Variants in DISP2 observed in about 807,000 individuals in gnomAD.
DISP2 encodes the protein dispatched RND transporter family member 2.
Under a neutral mutation model 95.5 loss-of-function variants are expected in DISP2, and 59 were observed. The ratio of observed to expected loss-of-function variants is 0.62; its 90% CI spans 0.50 to 0.77. The LOEUF is 0.77. Ranked by LOEUF, DISP2 falls within the 30% of genes least tolerant of loss-of-function variation. DISP2 has a pLI of 0.00. For missense variants in DISP2, 1,752 were observed against 1,854.6 expected, an observed-to-expected ratio of 0.94 and a Z score of 1.02; for synonymous variants, 827 against 815.0, an observed-to-expected ratio of 1.01 and a Z score of -0.25.
intron 1 of DISP2, among the ~76,000 whole-genome samples, chr15:40,360,314 C>G (rs1889387332): frequency 6.6e-6 from 1 of 152,202 alleles, no homozygotes; most frequent in Non-Finnish European, 1.5e-5. Flanking sequence ...ACTGAGCCTC[C>G]TGAGATCAGA....
At position 40,370,519 on chromosome 15, in the gene DISP2, G is replaced by C; in HGVS notation, c.*201G>C. ...TCCTCACATCTGGAGGATTCCAGCA[G>C]GAGGGGTTTTGGAGGGGACCTGCTT... On this transcript the variant is annotated 3_prime_UTR_variant, in exon 8 of 8. Transcript: ENST00000267889. 1 of 1,070,178 alleles carries C rather than the reference G, an allele frequency of 9.3e-7. No individual in the cohort carries two copies. Among genetic ancestry groups the C allele is most frequent in the Admixed American group, 2.0e-5 (1 of 49,438 alleles). 66.3% of individuals were successfully genotyped at this position (1,070,178 alleles called of 1,614,324 possible).
At position 40,369,609 on chromosome 15, in the gene DISP2, A is replaced by T. The variant is rs573660006; in HGVS notation, c.3497A>T (p.Gln1166Leu). 1 of 1,611,546 alleles carries T rather than the reference A, an allele frequency of 6.2e-7. No homozygotes were observed. Among genetic ancestry groups the T allele is most frequent in the Admixed American group, 1.7e-5 (1 of 60,008 alleles). ...PGSCSEQYEL[Q>L]PLARRRSPSF... Reference sequence around the variant, plus strand: ...TCCTGCTCAGAGCAATATGAGCTACAGCCCCTGGCACGGCGTCGGAGCCCC... The same window carrying T: ...TCCTGCTCAGAGCAATATGAGCTACTGCCCCTGGCACGGCGTCGGAGCCCC... The change falls in exon 8 of 8, where the codon CAG (glutamine) becomes CTG (leucine). Residue 1166 changes from glutamine to leucine, a missense_variant. This residue lies in a region of DISP2 where 347 missense variants were observed against 344.2 expected (regional missense o/e 1.01). Coordinates refer to ENST00000267889, the MANE Select transcript of DISP2 (RefSeq NM_033510.3).
At position 40,364,535 on chromosome 15, in the gene DISP2, G is replaced by A. The variant is rs1433815010; in HGVS notation, c.594G>A (p.Lys198=). 9 of 1,613,622 alleles carry A rather than the reference G, an allele frequency of 5.6e-6. No homozygotes were observed. The highest frequency in any genetic ancestry group is 7.6e-6 in the Non-Finnish European group (9 of 1,179,970). Residue 198 remains lysine (K), a synonymous_variant, in exon 4 of 8, where the codon AAG becomes AAA. Coordinates refer to ENST00000267889, the MANE Select transcript of DISP2 (RefSeq NM_033510.3). The stretch of plus-strand genomic sequence containing the variant: ...GGGCCCGGCTGCCCGACTTCTCCAA[G>A]CCTTTGCTGGTGAGGAACCAAGGGG... ...LLGARLPDFS[K]PLLGFEPRDT...
Position 40,367,464 on chromosome 15 carries a change from T to C in DISP2, c.1352T>C (p.Ile451Thr). 6.2e-7 allele frequency: 1 copy of C among 1,613,656 alleles called. No individual in the cohort carries two copies. The highest frequency in any genetic ancestry group is 1.1e-5 in the South Asian group (1 of 91,056). Residue 451 changes from isoleucine to threonine, a missense_variant, in exon 8 of 8, where the codon ATC becomes ACC. Physicochemically the swap from Ile to Thr is moderately conservative, Grantham distance 89. This residue lies in a region of DISP2 where 732 missense variants were observed against 714.6 expected (regional missense o/e 1.02). Coordinates refer to ENST00000267889, the MANE Select transcript of DISP2 (RefSeq NM_033510.3). ...CCAAAGGGTGCTTCCCTCATGGACA[T>C]CTACCTGGACCGGCTGGCCACCCCC... is the stretch of plus-strand genomic sequence containing the variant. ...PTPKGASLMD[I>T]YLDRLATPWG...
rs1275112786 is a variant in DISP2 at position 40,374,929 on chromosome 15, G to A, written c.*4611G>A. On this transcript the variant is annotated 3_prime_UTR_variant, in exon 8 of 8. Coordinates refer to ENST00000267889, the MANE Select transcript of DISP2 (RefSeq NM_033510.3). ...CGGCCCTGATCTTTTCTTTGACGGT[G>A]GCAGTATCTCATTTTTTGATAATAC... The A allele has an allele frequency of 6.6e-6, 1 of 152,102 alleles. No homozygotes were observed. Among genetic ancestry groups the A allele is most frequent in the African/African-American group, 2.4e-5 (1 of 41,404 alleles). The allele number at this position is 152,102 out of a possible 1,614,324, so 9.4% of individuals were successfully genotyped here. A position where few individuals can be genotyped will look rare whatever the true frequency, so the allele number is the denominator to read the frequency against.
rs1228224545 is a variant in DISP2, at chr15:40,377,333, T to G, written c.*7015T>G. ...AGTCTCAAAAAAAAAAAAAAAAATTTTTGACTGAAAGTACAGATACAACTT... is the reference window on the plus strand; with the variant it reads ...AGTCTCAAAAAAAAAAAAAAAAATTGTTGACTGAAAGTACAGATACAACTT... On this transcript the variant is annotated 3_prime_UTR_variant, in exon 8 of 8. Coordinates refer to ENST00000267889, the MANE Select transcript of DISP2 (RefSeq NM_033510.3). The G allele has an allele frequency of 1.3e-5, 2 of 151,626 alleles. No individual in the cohort carries two copies. The highest frequency in any genetic ancestry group is 2.9e-5 in the Non-Finnish European group (2 of 67,912). The allele number at this position is 151,626 out of a possible 1,614,324, so 9.4% of individuals were successfully genotyped here. A position where few individuals can be genotyped will look rare whatever the true frequency, so the allele number is the denominator to read the frequency against.
rs1171887566 is a variant in DISP2 at position 40,370,567 on chromosome 15, G to C, written c.*249G>C. On this transcript the variant is annotated 3_prime_UTR_variant, in exon 8 of 8. Transcript: ENST00000267889. ...CTTGCGACCTGCTGAGGGCTTGTCT[G>C]CTCCCACAGCACCATCTAAGACCCC... 1.4e-5 allele frequency: 10 copies of C among 710,502 alleles called. No individual in the cohort carries two copies. The highest frequency in any genetic ancestry group is 2.5e-5 in the Non-Finnish European group (10 of 400,722). 44.0% of individuals were successfully genotyped at this position (710,502 alleles called of 1,614,324 possible).
In DISP2 at chr15:40,367,079, G is replaced by T; in HGVS notation, c.967G>T (p.Gly323Trp). 1.2e-6 allele frequency: 2 copies of T among 1,611,382 alleles called. No individual in the cohort carries two copies. The highest frequency in any genetic ancestry group is 1.7e-6 in the Non-Finnish European group (2 of 1,179,994). Residue 323 changes from glycine to tryptophan, a missense_variant, in exon 8 of 8, where the codon GGG becomes TGG. Around this residue, in one of 5 missense-constraint regions of DISP2, gnomAD observed 732 missense variants for 714.6 expected, o/e 1.02. Coordinates refer to ENST00000267889, the MANE Select transcript of DISP2 (RefSeq NM_033510.3). ...ACAGATCCGCTCCCATACCAGCTTCGGGGCTCTGTGCCAGCGGACAGCAGC... is the reference window on the plus strand; with the variant it reads ...ACAGATCCGCTCCCATACCAGCTTCTGGGCTCTGTGCCAGCGGACAGCAGC... ...QDQIRSHTSF[G>W]ALCQRTAANQ...
At position 40,377,604 on chromosome 15, in the gene DISP2, T is replaced by G. The variant is rs1889748236; in HGVS notation, c.*7286T>G. ...AGCAAGTGACTCTGAGGTGAGGGGA[T>G]AGCTGGGAGTGTGGAGCAGCCAAGC... On this transcript the variant is annotated 3_prime_UTR_variant, in exon 8 of 8. Transcript: ENST00000267889. 1 of 152,308 alleles carries G rather than the reference T, an allele frequency of 6.6e-6. No homozygotes were observed. The allele number at this position is 152,308 out of a possible 1,614,324, so 9.4% of individuals were successfully genotyped here. A position where few individuals can be genotyped will look rare whatever the true frequency, so the allele number is the denominator to read the frequency against.
Position 40,374,014 on chromosome 15 carries a change from A to AAAAAAAAAATATATATATATATATATAT in DISP2, c.*3697_*3698insAAAAAAAATATATATATATATATATATA. Reference sequence around the variant, plus strand: ...GCGAGACTCCATCTTAAAAAAAAAAAATATATATATATATATATGTAAACT... The same window carrying AAAAAAAAAATATATATATATATATATAT: ...GCGAGACTCCATCTTAAAAAAAAAAAAAAAAAAAATATATATATATATATATATATATATATATATATATATGTAAACT... On this transcript the variant is annotated 3_prime_UTR_variant, in exon 8 of 8. Coordinates refer to ENST00000267889, the MANE Select transcript of DISP2 (RefSeq NM_033510.3). 1.9e-5 allele frequency: 2 copies of AAAAAAAAAATATATATATATATATATAT among 104,194 alleles called. No homozygotes were observed. Among genetic ancestry groups the AAAAAAAAAATATATATATATATATATAT allele is most frequent in the African/African-American group, 8.4e-5 (2 of 23,940 alleles). 6.5% of individuals were successfully genotyped at this position (104,194 alleles called of 1,614,324 possible).
Position 40,369,960 on chromosome 15 carries a change from G to C in DISP2, c.3848G>C (p.Cys1283Ser), listed in dbSNP as rs1267305376. 2 of 1,610,642 alleles carry C rather than the reference G, an allele frequency of 1.2e-6. No homozygotes were observed. The highest frequency in any genetic ancestry group is 1.7e-6 in the Non-Finnish European group (2 of 1,178,394). ...GCTGCAGATCCTCCTGATGGCTTCT[G>C]TTCCTCAGCCAGCACCCTGGAGGGG... ...AKAADPPDGFCSSASTLEGLS... is the reference protein window; with the variant it reads ...AKAADPPDGFSSSASTLEGLS... Residue 1283 changes from cysteine to serine, a missense_variant, in exon 8 of 8, where the codon TGT (cysteine) becomes TCT (serine). This residue lies in a region of DISP2 where 347 missense variants were observed against 344.2 expected (regional missense o/e 1.01). Coordinates refer to ENST00000267889, the MANE Select transcript of DISP2 (RefSeq NM_033510.3).
At position 40,371,622 on chromosome 15, in the gene DISP2, C is replaced by T. The variant is rs1160873253; in HGVS notation, c.*1304C>T. The T allele has an allele frequency of 2.0e-5, 3 of 152,188 alleles. No homozygotes were observed. The highest frequency in any genetic ancestry group is 7.2e-5 in the African/African-American group (3 of 41,442). 9.4% of individuals were successfully genotyped at this position (152,188 alleles called of 1,614,324 possible). On this transcript the variant is annotated 3_prime_UTR_variant, in exon 8 of 8. Coordinates refer to ENST00000267889, the MANE Select transcript of DISP2 (RefSeq NM_033510.3). The stretch of plus-strand genomic sequence containing the variant: ...CTGAAGCTGCTTCCCAGGTTAGGGT[C>T]CCCAGCTTTTTAAGGACAAGTCTCT...
chr15:40,362,764 C>T (rs969064491), intron 1 of DISP2, among the ~76,000 whole-genome samples: 1 of 151,976 alleles, frequency 6.6e-6, no homozygotes, highest in African/African-American at 2.4e-5. Context: ...ATGCAGTTAT[C>T]GGGGGGGATA....
In DISP2 at chr15:40,363,924, C is replaced by T. The variant is rs1300960048; in HGVS notation, c.419C>T (p.Pro140Leu). The stretch of plus-strand genomic sequence containing the variant: ...CAGCGCGATGGGACCTGGAAGCCAC[C>T]CGCTGTGCAGCACCATGTGGTCAGC... ...PSQRDGTWKP[P>L]AVQHHVVSVR... is the part of the protein sequence containing the mutation. Residue 140 changes from proline (P) to leucine (L), a missense_variant, in exon 2 of 8, where the codon CCC becomes CTC. This residue lies in a region of DISP2 where 342 missense variants were observed against 364.3 expected (regional missense o/e 0.94). Transcript: ENST00000267889. The T allele has an allele frequency of 2.6e-6, 4 of 1,549,774 alleles. No homozygotes were observed. In the South Asian group the frequency reaches 3.7e-5, roughly 14 times the overall value.
Position 40,367,839 on chromosome 15 carries a change from G to C in DISP2, c.1727G>C (p.Gly576Ala), listed in dbSNP as rs761221574. ...CTTAGCAAGAGCCAGCTGCCGTCGGGGGGGCTGGCGCAGCGCGTGGGCCGC... is the reference window on the plus strand; with the variant it reads ...CTTAGCAAGAGCCAGCTGCCGTCGGCGGGGCTGGCGCAGCGCGTGGGCCGC... ...WRLSKSQLPS[G>A]GLAQRVGRTM... Residue 576 changes from glycine (G) to alanine (A), a missense_variant, in exon 8 of 8, where the codon GGG becomes GCG. This residue lies in a region of DISP2 where 732 missense variants were observed against 714.6 expected (regional missense o/e 1.02). Coordinates refer to ENST00000267889, the MANE Select transcript of DISP2 (RefSeq NM_033510.3). The C allele has an allele frequency of 1.4e-4, 230 of 1,601,188 alleles. No homozygotes were observed. Among genetic ancestry groups the C allele is most frequent in the Non-Finnish European group, 1.8e-4 (209 of 1,179,906 alleles).
In DISP2 at chr15:40,367,993, G is replaced by A. The variant is rs115207983; in HGVS notation, c.1881G>A (p.Leu627=). ...CCCTCTTCATGGGCACGGCTGTGCT[G>A]GTGCACCTGGCGCTCACGCTGGTCT... ...CLALFMGTAV[L]VHLALTLVWL... Residue 627 remains leucine (L), a synonymous_variant, in exon 8 of 8, where the codon CTG becomes CTA. Transcript: ENST00000267889. 5.3e-4 allele frequency: 815 copies of A among 1,544,192 alleles called. 5 individuals carry two copies. In the African/African-American group the frequency reaches 1.0e-2, roughly 19 times the overall value.
At chr15:40,364,791 G>C in intron 4 of DISP2, 47 bp from the exon 5 acceptor site, 1 of 1,575,984 alleles carries the variant, frequency 6.3e-7, no homozygotes, top group Non-Finnish European at 8.7e-7. Flanking sequence ...CCCAAATGGA[G>C]AACTCCTACC....
Position 40,369,955 on chromosome 15 carries a change from C to T in DISP2, c.3843C>T (p.Gly1281=), listed in dbSNP as rs1289324963. ...CCAAGGCTGCAGATCCTCCTGATGG[C>T]TTCTGTTCCTCAGCCAGCACCCTGG... ...PKAKAADPPD[G]FCSSASTLEG... Residue 1281 remains glycine, a synonymous_variant, in exon 8 of 8, where the codon GGC becomes GGT. Coordinates refer to ENST00000267889, the MANE Select transcript of DISP2 (RefSeq NM_033510.3). 6.2e-7 allele frequency: 1 copy of T among 1,609,304 alleles called. No homozygotes were observed. The highest frequency in any genetic ancestry group is 8.5e-7 in the Non-Finnish European group (1 of 1,177,716).
At chr15:40,365,998 AG>A (rs1218114656) in intron 7 of DISP2, among the ~76,000 whole-genome samples, 4 of 152,208 alleles carry the variant, frequency 2.6e-5, no homozygotes, top group African/African-American at 9.6e-5. Flanking sequence ...GGCCCTCCAG[AG>A]CGGGTGAGGA....
Sources: allele counts gnomAD v4.1 joint callset (sites outside exome capture counted in the v4.1 genomes callset), GRCh38; gene constraint gnomAD v4.1.1; regional missense constraint gnomAD v4.1.1; transcripts MANE v1.5; gene names NCBI Gene and HGNC (gene_info 2026-07-23, HGNC 2026-07-21).